Variants in CDH12 observed in about 807,000 individuals in gnomAD.
CDH12 encodes the protein cadherin-12.
A neutral mutation model predicts 74.1 loss-of-function variants in CDH12; 41 were observed. That is an observed-to-expected ratio of 0.55 (90% CI 0.43 to 0.72). The LOEUF is 0.72. Among genes scored for constraint, CDH12 ranks in the 30% least tolerant of loss-of-function variants. The pLI is 0.00. For synonymous variants in CDH12, 399 were observed against 355.0 expected, an observed-to-expected ratio of 1.12 and a Z score of -1.39; for missense variants, 945 against 977.2, an observed-to-expected ratio of 0.97 and a Z score of 0.44.
At chr5:22,609,132 C>T (rs1325515945) in intron 1 of CDH12, among the ~76,000 whole-genome samples, 4 of 152,082 alleles carry the variant, frequency 2.6e-5, no homozygotes, top group Non-Finnish European at 5.9e-5. Context: ...TCCATCTACC[C>T]TTTACTTTCT....
intron 1 of CDH12, among the ~76,000 whole-genome samples, chr5:22,749,355 G>A (rs1029697712): frequency 6.6e-6 from 1 of 152,192 alleles, no homozygotes; most frequent in African/African-American, 2.4e-5. Context: ...TTCATAGAAT[G>A]CTTTACTAAG....
chr5:22,382,015 G>T (rs2126385363), intron 3 of CDH12, among the ~76,000 whole-genome samples: 1 of 147,930 alleles, frequency 6.8e-6, no homozygotes, highest in Middle Eastern at 3.5e-3. Context: ...CCTTTATGTT[G>T]CTTTGGCCGG....
At chr5:22,633,588 T>C in intron 1 of CDH12, among the ~76,000 whole-genome samples, 1 of 152,250 alleles carries the variant, frequency 6.6e-6, no homozygotes, top group African/African-American at 2.4e-5. Context: ...CCTCATCCCA[T>C]TTCTTCAGGG....
intron 6 of CDH12, among the ~76,000 whole-genome samples, chr5:21,962,418 C>A (rs780594154): frequency 2.0e-5 from 3 of 152,128 alleles, no homozygotes; most frequent in Non-Finnish European, 4.4e-5. Context: ...CAACAATGTT[C>A]ATTACTGAAA....
chr5:22,441,670 A>T (rs1358201559), intron 2 of CDH12, among the ~76,000 whole-genome samples: 1 of 152,080 alleles, frequency 6.6e-6, no homozygotes, highest in African/African-American at 2.4e-5. Flanking sequence ...TTGTTAGTAA[A>T]CACACAAAAA....
At chr5:21,833,789 G>A (rs1171737740) in intron 8 of CDH12, among the ~76,000 whole-genome samples, 2 of 151,702 alleles carry the variant, frequency 1.3e-5, no homozygotes, top group Non-Finnish European at 2.9e-5. Flanking sequence ...AGCTATGTCA[G>A]TTGAAACAGA....
At chr5:21,875,119 C>T (rs1751859678) in intron 6 of CDH12, among the ~76,000 whole-genome samples, 1 of 152,202 alleles carries the variant, frequency 6.6e-6, no homozygotes, top group Admixed American at 6.5e-5. Flanking sequence ...AACACTTTTA[C>T]ACCATTGGTG....
chr5:22,562,889 T>A (rs1314979894), intron 1 of CDH12, among the ~76,000 whole-genome samples: 1 of 148,310 alleles, frequency 6.7e-6, no homozygotes, highest in Non-Finnish European at 1.5e-5. Flanking sequence ...TAAATTTATA[T>A]ATTTAAATAT....
intron 1 of CDH12, among the ~76,000 whole-genome samples, chr5:22,716,574 C>T (rs187969519): frequency 2.0e-5 from 3 of 150,636 alleles, no homozygotes; most frequent in African/African-American, 4.9e-5. Context: ...AGTGTGTGCT[C>T]CTTAAGCCTA....
At chr5:21,989,570 C>T (rs1224714904) in intron 5 of CDH12, among the ~76,000 whole-genome samples, 1 of 152,036 alleles carries the variant, frequency 6.6e-6, no homozygotes, top group Admixed American at 6.6e-5. Context: ...CTCTGTACCC[C>T]CCATTGCCTC....
At chr5:22,537,279 C>T (rs1246723406) in intron 1 of CDH12, among the ~76,000 whole-genome samples, 1 of 152,146 alleles carries the variant, frequency 6.6e-6, no homozygotes, top group Non-Finnish European at 1.5e-5. Flanking sequence ...TTGGCAATAC[C>T]TTGAAGAGTG....
At position 22,197,622 on chromosome 5, in the gene CDH12, T is replaced by G. The variant is rs192501945; in HGVS notation, c.-187+14876A>C. On this transcript the variant is annotated intron_variant, in intron 4 of 14. Coordinates refer to ENST00000382254, the MANE Select transcript of CDH12 (RefSeq NM_004061.5). ...TTATTCTAAATTAGCTTTCATTGCT[T>G]TTTGTGAAGATCAGTTATTGGTAAG... is the stretch of plus-strand genomic sequence containing the variant. 3.3e-5 allele frequency among the ~76,000 whole-genome samples: 5 copies of G among 152,262 alleles called. 1 individual carries two copies. Among genetic ancestry groups the G allele is most frequent in the African/African-American group, 9.6e-5 (4 of 41,570 alleles).
At chr5:22,772,823 G>A (rs899193836) in intron 1 of CDH12, among the ~76,000 whole-genome samples, 3 of 152,038 alleles carry the variant, frequency 2.0e-5, no homozygotes, top group Admixed American at 6.6e-5. Flanking sequence ...AAGGCTGTTT[G>A]ATGGTGACTA....
chr5:22,225,265 T>C (rs1355169337), intron 3 of CDH12, among the ~76,000 whole-genome samples: 1 of 152,132 alleles, frequency 6.6e-6, no homozygotes, highest in African/African-American at 2.4e-5. Flanking sequence ...GCATAGCTCA[T>C]TAACATGTGT....
At chr5:22,218,536 T>C (rs1751903326) in intron 3 of CDH12, among the ~76,000 whole-genome samples, 1 of 151,804 alleles carries the variant, frequency 6.6e-6, no homozygotes, top group Non-Finnish European at 1.5e-5. Context: ...GAAATTTATC[T>C]GTAATGACAG....
intron 1 of CDH12, among the ~76,000 whole-genome samples, chr5:22,547,805 C>T (rs1473877641): frequency 2.0e-5 from 3 of 152,028 alleles, no homozygotes; most frequent in African/African-American, 7.2e-5. Context: ...AAACAAATAT[C>T]TAATGAATAA....
intron 3 of CDH12, among the ~76,000 whole-genome samples, chr5:22,400,250 T>C (rs944863482): frequency 6.6e-6 from 1 of 152,102 alleles, no homozygotes; most frequent in Non-Finnish European, 1.5e-5. Flanking sequence ...GTATGCTTCT[T>C]TAAATTACTG....
intron 4 of CDH12, among the ~76,000 whole-genome samples, chr5:22,110,937 G>A (rs1046701559): frequency 2.6e-5 from 4 of 152,126 alleles, no homozygotes; most frequent in African/African-American, 9.7e-5. Context: ...AAGGCTAAGG[G>A]CAAGAGAGAG....
Position 22,139,584 on chromosome 5 carries a change from T to G in CDH12, c.-186-60722A>C, listed in dbSNP as rs969015138. ...TTTTACTTGGCGTGCAATTTCTCAA[T>G]AGACGTATCCTTCCTTCTGAAATGC... On this transcript the variant is annotated intron_variant, in intron 4 of 14. Coordinates refer to ENST00000382254, the MANE Select transcript of CDH12 (RefSeq NM_004061.5). 5.2e-4 allele frequency: 76 copies of G among 145,204 alleles called. 1 individual carries two copies. Among genetic ancestry groups the G allele is most frequent in the African/African-American group, 1.9e-3 (73 of 38,658 alleles). 9.0% of individuals were successfully genotyped at this position (145,204 alleles called of 1,614,324 possible). A position where few individuals can be genotyped will look rare whatever the true frequency, so the allele number is the denominator to read the frequency against.
Sources: allele counts gnomAD v4.1 joint callset (sites outside exome capture counted in the v4.1 genomes callset), GRCh38; gene constraint gnomAD v4.1.1; transcripts MANE v1.5; gene names NCBI Gene and HGNC (gene_info 2026-07-23, HGNC 2026-07-21).